Variants in ABCA6 observed in about 807,000 individuals in gnomAD.
ABCA6 encodes ATP-binding cassette sub-family A member 6.
A neutral mutation model predicts 191.2 loss-of-function variants in ABCA6; 164 were observed. The ratio of observed to expected loss-of-function variants is 0.86; its 90% CI spans 0.76 to 0.98. The LOEUF (loss-of-function observed/expected upper bound fraction) is 0.98. Ranked by LOEUF, ABCA6 falls within the 50% of genes least tolerant of loss-of-function variation. The pLI, the probability that ABCA6 is intolerant of heterozygous loss-of-function variation, is 0.00. For missense variants in ABCA6, 1,958 were observed against 1,894.1 expected (o/e 1.03, Z -0.63); for synonymous variants, 636 against 647.7 (o/e 0.98, Z 0.27).
At chr17:69,103,575 G>A (rs373940887) in intron 20 of ABCA6, among the ~76,000 whole-genome samples, 4 of 152,194 alleles carry the variant, frequency 2.6e-5, no homozygotes, top group South Asian at 2.1e-4. Context: ...CGTGAAATAC[G>A]AGCTGAGAAA....
chr17:69,112,319 T>C, intron 15 of ABCA6, 46 bp from the exon 16 acceptor site: 1 of 1,466,004 alleles, frequency 6.8e-7, no homozygotes. Context: ...GGGTCATTTC[T>C]TCTTTCTCTA....
rs751742345 is a variant in ABCA6 at position 69,137,385 on chromosome 17, T to A, written c.212A>T (p.Asn71Ile). The A allele has an allele frequency of 3.7e-6, 6 of 1,613,704 alleles. No individual in the cohort carries two copies. The East Asian group carries it at 1.3e-4, about 36-fold the overall frequency. ...PQNLGRVDKF[N>I]SSSLMVVYTP... ...ATACACAACCATTAAAGAAGAGCTA[T>A]TAAATTTATCTACCCTTCCCAGATT... The change falls in exon 3 of 39, where the codon AAT (asparagine) becomes ATT (isoleucine). Residue 71 changes from asparagine to isoleucine, a missense_variant. By Grantham distance (149) the Asn-to-Ile change is moderately radical. Transcript: ENST00000284425.
chr17:69,108,045 T>G (rs1424430935), intron 17 of ABCA6: 1 of 435,580 alleles, frequency 2.3e-6, no homozygotes, highest in Non-Finnish European at 4.1e-6. Context: ...CATTCTCAGT[T>G]TATGAGCTTC....
At position 69,084,303 on chromosome 17, in the gene ABCA6, T is replaced by C. The variant is rs759401521; in HGVS notation, c.4313A>G (p.Glu1438Gly). Residue 1438 changes from glutamate to glycine, a missense_variant, in exon 34 of 39, where the codon GAA (glutamate) becomes GGA (glycine). Glu to Gly is a moderately conservative substitution (Grantham distance 98). Transcript: ENST00000284425. Reference protein sequence around the residue: ...LGNSPVLLLDEPSTGIDPTGQ... With the variant: ...LGNSPVLLLDGPSTGIDPTGQ... Reference sequence around the variant, plus strand: ...TGTGGGGTCTATGCCCGTAGATGGTTCATCCAGGAGCAAGACAGGTGAGTT... The same window carrying C: ...TGTGGGGTCTATGCCCGTAGATGGTCCATCCAGGAGCAAGACAGGTGAGTT... 3 of 1,614,120 alleles carry C rather than the reference T, an allele frequency of 1.9e-6. No homozygotes were observed. The highest frequency in any genetic ancestry group is 2.5e-6 in the Non-Finnish European group (3 of 1,180,000).
At chr17:69,088,970 G>A (rs1441881143) in intron 27 of ABCA6, among the ~76,000 whole-genome samples, 1 of 152,100 alleles carries the variant, frequency 6.6e-6, no homozygotes, top group African/African-American at 2.4e-5. Context: ...TATCCATTTA[G>A]TTTATTATCC....
intron 25 of ABCA6, among the ~76,000 whole-genome samples, chr17:69,093,038 G>A (rs1047251693): frequency 2.0e-5 from 3 of 152,116 alleles, no homozygotes; most frequent in African/African-American, 7.2e-5. Context: ...CACAAGTTCT[G>A]AATCAGTATT....
chr17:69,130,324 A>C (rs1260580217), intron 6 of ABCA6, among the ~76,000 whole-genome samples: 1 of 152,004 alleles, frequency 6.6e-6, no homozygotes, highest in African/African-American at 2.4e-5. Context: ...CTCAAAAAAA[A>C]AAAAAGGATG....
intron 11 of ABCA6, among the ~76,000 whole-genome samples, chr17:69,116,457 T>C (rs2073540885): frequency 6.6e-6 from 1 of 152,122 alleles, no homozygotes; most frequent in South Asian, 2.1e-4. Flanking sequence ...TAGAGGGAAA[T>C]AATTTGAAAT....
chr17:69,138,790 C>T lies in ABCA6; in HGVS notation c.97-1290G>A, dbSNP rs529586433. Among the ~76,000 whole-genome samples the T allele has an allele frequency of 1.7e-3, 252 of 148,042 alleles. 1 individual carries two copies. Among genetic ancestry groups the T allele is most frequent in the African/African-American group, 6.0e-3 (242 of 40,654 alleles). On this transcript the variant is annotated intron_variant, in intron 2 of 38. Coordinates refer to ENST00000284425, the MANE Select transcript of ABCA6 (RefSeq NM_080284.3). ...AGAACAGAGCCCTCAGAAATAACGC[C>T]GCATATCTACAACTATCTGATCTTT...
chr17:69,136,979 T>C (rs1006956709), intron 3 of ABCA6, among the ~76,000 whole-genome samples: 26 of 152,214 alleles, frequency 1.7e-4, no homozygotes, highest in Admixed American at 1.6e-3. Flanking sequence ...TTGTATGCCA[T>C]GTTAAAAACA....
chr17:69,115,018 G>T, intron 12 of ABCA6, 81 bp from the exon 13 acceptor site: 1 of 1,089,016 alleles, frequency 9.2e-7, no homozygotes, highest in Non-Finnish European at 1.3e-6. Flanking sequence ...GAAAATATTG[G>T]CATATGTTCA....
chr17:69,126,635 C>T (rs1468080824), intron 8 of ABCA6, among the ~76,000 whole-genome samples: 1 of 151,706 alleles, frequency 6.6e-6, no homozygotes, highest in African/African-American at 2.4e-5. Context: ...GGGCAAGACC[C>T]TGTCTCAAAA....
intron 25 of ABCA6, among the ~76,000 whole-genome samples, chr17:69,092,548 C>G (rs968664453): frequency 2.0e-5 from 3 of 152,186 alleles, no homozygotes; most frequent in African/African-American, 7.2e-5. Flanking sequence ...AGATGTGCTA[C>G]TATACCTCCA....
At chr17:69,089,797 T>G (rs1458861911) in intron 26 of ABCA6, among the ~76,000 whole-genome samples, 2 of 152,218 alleles carry the variant, frequency 1.3e-5, no homozygotes, top group Admixed American at 1.3e-4. Flanking sequence ...TTTTAACATT[T>G]GCAGAAAGCA....
At chr17:69,136,832 T>G (rs1042638853) in intron 3 of ABCA6, among the ~76,000 whole-genome samples, 2 of 152,196 alleles carry the variant, frequency 1.3e-5, no homozygotes, top group Non-Finnish European at 2.9e-5. Context: ...AGATGTTTAC[T>G]GATTGTACTA....
At position 69,124,825 on chromosome 17, in the gene ABCA6, T is replaced by TA. The variant is rs1342227383; in HGVS notation, c.1267+62dup. The TA allele has an allele frequency of 7.4e-6, 7 of 950,730 alleles. No individual in the cohort carries two copies. The South Asian group carries it at 1.4e-4, about 19-fold the overall frequency. The allele number at this position is 950,730 out of a possible 1,614,324, so 58.9% of individuals were successfully genotyped here. ...TTCATTTTAAAAGTCTATATAATCTTAAAAAATATATTCAATGTAATTAAT... is the reference window on the plus strand; with the variant it reads ...TTCATTTTAAAAGTCTATATAATCTTAAAAAAATATATTCAATGTAATTAAT... On this transcript the variant is annotated intron_variant, in intron 9 of 38. Transcript: ENST00000284425.
In ABCA6 at chr17:69,078,994, G is replaced by A. The variant is rs758695536; in HGVS notation, c.4833C>T (p.Leu1611=). 12 of 1,610,780 alleles carry A rather than the reference G, an allele frequency of 7.4e-6. No homozygotes were observed. The highest frequency in any genetic ancestry group is 2.2e-5 in the East Asian group (1 of 44,734). Residue 1611 remains leucine (L), a synonymous_variant, in exon 39 of 39, where the codon CTC becomes CTT. Coordinates refer to ENST00000284425, the MANE Select transcript of ABCA6 (RefSeq NM_080284.3). The part of the protein sequence containing the change: ...EIDTTMRWKL[L]PHSDEP ...GGTTTTAAGGTTCATCTGAATGAGG[G>A]AGGAGTTTCCATCTCATTGTTGTAT...
At chr17:69,108,531 A>G (rs1219398981) in intron 17 of ABCA6, 1 of 152,262 alleles carries the variant, frequency 6.6e-6, no homozygotes, top group East Asian at 1.9e-4. Context: ...GAGAGTAGAG[A>G]CACATATCTC....
At chr17:69,093,627 A>G (rs2072980220) in intron 25 of ABCA6, among the ~76,000 whole-genome samples, 1 of 152,180 alleles carries the variant, frequency 6.6e-6, no homozygotes, top group Non-Finnish European at 1.5e-5. Flanking sequence ...GACTTTCAGG[A>G]CACATGTCTG....
Sources: allele counts gnomAD v4.1 joint callset (sites outside exome capture counted in the v4.1 genomes callset), GRCh38; gene constraint gnomAD v4.1.1; transcripts MANE v1.5; gene names NCBI Gene and HGNC (gene_info 2026-07-23, HGNC 2026-07-21).